Variants in TRIM46 observed in about 807,000 individuals in gnomAD.
The protein encoded by TRIM46 is tripartite motif-containing protein 46.
In TRIM46, 17 loss-of-function variants were observed where a neutral mutation model predicts 69.7. The observed-to-expected ratio is 0.24, with a 90% CI of 0.17 to 0.37. TRIM46 has a LOEUF of 0.37. Among genes scored for constraint, TRIM46 ranks in the 10% least tolerant of loss-of-function variants. TRIM46 has a pLI of 1.00. For missense variants in TRIM46, 675 were observed against 1,025.1 expected (o/e 0.66, Z 4.66); for synonymous variants, 391 against 429.0 (o/e 0.91, Z 1.09).
At position 155,178,546 on chromosome 1, in the gene TRIM46, C is replaced by A; in HGVS notation, c.1218C>A (p.Ser406=). 1 of 1,614,188 alleles carries A rather than the reference C, an allele frequency of 6.2e-7. No homozygotes were observed. Among genetic ancestry groups the A allele is most frequent in the South Asian group, 1.1e-5 (1 of 91,090 alleles). ...LQTFRPAASS[S]FRHCQLDVGR... ...CATTCCGGCCAGCTGCCAGCTCCTC[C>A]TTCCGCCATTGCCAGCTCGACGTGG... The change falls in exon 7 of 10, where the codon TCC becomes TCA. Residue 406 remains serine, a synonymous_variant. Transcript: ENST00000334634.
chr1:155,183,734 C>T, intron 9 of TRIM46, 63 bp from the exon 10 acceptor site: 1 of 1,580,960 alleles, frequency 6.3e-7, no homozygotes, highest in Non-Finnish European at 8.5e-7. Context: ...CAGCGTCTCC[C>T]TCTGGTACCT....
chr1:155,177,919 G>A, intron 5 of TRIM46, 83 bp from the exon 6 acceptor site: 13 of 1,543,932 alleles, frequency 8.4e-6, no homozygotes, highest in Non-Finnish European at 1.1e-5. Context: ...CCATGCTGTG[G>A]CATCCAAGGA....
chr1:155,176,851 G>A, intron 3 of TRIM46, 81 bp from the exon 4 acceptor site: 2 of 1,543,316 alleles, frequency 1.3e-6, no homozygotes, highest in Non-Finnish European at 1.8e-6. Context: ...AGTGGAGGAG[G>A]GCACCAAACT....
In TRIM46 at chr1:155,176,948, A is replaced by C; in HGVS notation, c.686A>C (p.Asp229Ala). Residue 229 changes from aspartate (D) to alanine (A), a missense_variant, in exon 4 of 10, where the codon GAC (aspartate) becomes GCC (alanine). Transcript: ENST00000334634. ...SFRPKGLMCP[D>A]HKEEVTHYCK... is the part of the protein sequence containing the mutation. ...TGTCCCTAGGGCCTTATGTGCCCAG[A>C]CCACAAGGAAGAGGTGACCCACTAC... is the stretch of plus-strand genomic sequence containing the variant. 1 of 1,614,166 alleles carries C rather than the reference A, an allele frequency of 6.2e-7. No homozygotes were observed. Among genetic ancestry groups the C allele is most frequent in the Non-Finnish European group, 8.5e-7 (1 of 1,179,990 alleles).
intron 1 of TRIM46, 147 bp downstream of exon 1, chr1:155,174,176 C>A: frequency 1.0e-6 from 1 of 962,106 alleles, no homozygotes; most frequent in Non-Finnish European, 1.6e-6. Context: ...GGTCGGGATG[C>A]AGGTATGAGA....
Position 155,181,812 on chromosome 1 carries a change from TGAA to T in TRIM46, c.1589-38_1589-36del. The T allele has an allele frequency of 6.3e-7, 1 of 1,578,084 alleles. No individual in the cohort carries two copies. Among genetic ancestry groups the T allele is most frequent in the Non-Finnish European group, 8.6e-7 (1 of 1,157,890 alleles). On this transcript the variant is annotated intron_variant, in intron 8 of 9. Coordinates refer to ENST00000334634, the MANE Select transcript of TRIM46 (RefSeq NM_025058.5). The surrounding 1 kb of genome is among the most constrained non-coding windows in gnomAD (Gnocchi z 4.3). The stretch of plus-strand genomic sequence containing the variant: ...AGCCCCCAGTGCCAGTGTTTGTCCC[TGAA>T]GTTCTTGCTCCATCTCAACCCTCTC...
rs773792925 is a variant in TRIM46, at chr1:155,183,991, G to T, written c.2081G>T (p.Cys694Phe). The T allele has an allele frequency of 6.2e-7, 1 of 1,614,104 alleles. No individual in the cohort carries two copies. Among genetic ancestry groups the T allele is most frequent in the Non-Finnish European group, 8.5e-7 (1 of 1,180,038 alleles). Residue 694 changes from cysteine (C) to phenylalanine (F), a missense_variant, in exon 10 of 10, where the codon TGC (cysteine) becomes TTC (phenylalanine). Cys to Phe is a radical substitution (Grantham distance 205). Coordinates refer to ENST00000334634, the MANE Select transcript of TRIM46 (RefSeq NM_025058.5). ...TVPLPPRLGICLDYERGRVSF... is the reference protein window; with the variant it reads ...TVPLPPRLGIFLDYERGRVSF... Reference sequence around the variant, plus strand: ...CCCCTGCCACCCCGCCTGGGCATCTGCCTGGACTATGAGCGGGGCCGGGTT... The same window carrying T: ...CCCCTGCCACCCCGCCTGGGCATCTTCCTGGACTATGAGCGGGGCCGGGTT...
intron 3 of TRIM46, 137 bp from the exon 4 acceptor site, chr1:155,176,795 G>A: frequency 9.2e-7 from 1 of 1,084,608 alleles, no homozygotes; most frequent in South Asian, 1.4e-5. Flanking sequence ...ACCACCAGGT[G>A]GCACTGTGGA....
intron 1 of TRIM46, 104 bp downstream of exon 1, chr1:155,174,133 CAG>C: frequency 7.6e-7 from 1 of 1,324,186 alleles, no homozygotes; most frequent in East Asian, 2.5e-5. Context: ...GGGATGTAGA[CAG>C]GGGGCTAGCG....
chr1:155,178,657 C>A (rs777691029), intron 7 of TRIM46, 44 bp downstream of exon 7: 2 of 1,605,492 alleles, frequency 1.2e-6, no homozygotes, highest in South Asian at 2.2e-5. Context: ...AGCCTTCTTC[C>A]CTTCCTCCCC....
Position 155,175,633 on chromosome 1 carries a change from G to C in TRIM46, c.311G>C (p.Arg104Pro). 1 of 1,613,704 alleles carries C rather than the reference G, an allele frequency of 6.2e-7. No individual in the cohort carries two copies. The highest frequency in any genetic ancestry group is 8.5e-7 in the Non-Finnish European group (1 of 1,179,956). The change falls in exon 2 of 10, where the codon CGG becomes CCG. Residue 104 changes from arginine (R) to proline (P), a missense_variant. Coordinates refer to ENST00000334634, the MANE Select transcript of TRIM46 (RefSeq NM_025058.5). The surrounding 1 kb of genome is among the most constrained non-coding windows in gnomAD (Gnocchi z 4.2). ...RTLPKPDRLD[R>P]LLKSGFGTYP... Reference sequence around the variant, plus strand: ...CTCCCCAAGCCAGACCGCCTGGACCGGCTGCTTAAGTCAGGTGGGACTGGG... The same window carrying C: ...CTCCCCAAGCCAGACCGCCTGGACCCGCTGCTTAAGTCAGGTGGGACTGGG...
intron 5 of TRIM46, 93 bp downstream of exon 5, chr1:155,177,383 T>C: frequency 8.8e-7 from 1 of 1,140,128 alleles, no homozygotes; most frequent in Non-Finnish European, 1.3e-6. Flanking sequence ...ACCTTGTTGC[T>C]AGCTCAGGAA....
At chr1:155,179,480 G>A in intron 7 of TRIM46, 152 bp from the exon 8 acceptor site, 1 of 677,538 alleles carries the variant, frequency 1.5e-6, no homozygotes, top group South Asian at 1.9e-5. Flanking sequence ...TACCCCTCCT[G>A]TGCCCAGTTC....
chr1:155,178,593 CAG>C lies in TRIM46; in HGVS notation c.1268_1269del (p.Glu423AlafsTer2). 1 of 1,613,864 alleles carries C rather than the reference CAG, an allele frequency of 6.2e-7. No homozygotes were observed. ...GTGGGACGTGAGATGAAGCTGCTGA[CAG>C]AGCTTAACTTCCTGCGAGGTAAGGA... is the stretch of plus-strand genomic sequence containing the variant. On this transcript the variant is annotated frameshift_variant, in exon 7 of 10. Coordinates refer to ENST00000334634, the MANE Select transcript of TRIM46 (RefSeq NM_025058.5). LOFTEE classifies it high-confidence loss of function.
chr1:155,174,654 G>C, intron 1 of TRIM46: 3 of 1,515,674 alleles, frequency 2.0e-6, no homozygotes, highest in South Asian at 2.5e-5. Flanking sequence ...GAGGTGTGGG[G>C]GTGGGGCATA....
Position 155,181,859 on chromosome 1 carries a change from C to G in TRIM46, c.1596C>G (p.His532Gln). 6.2e-7 allele frequency: 1 copy of G among 1,610,538 alleles called. No homozygotes were observed. Among genetic ancestry groups the G allele is most frequent in the Non-Finnish European group, 8.5e-7 (1 of 1,177,412 alleles). Residue 532 changes from histidine to glutamine, a missense_variant, in exon 9 of 10, where the codon CAC (histidine) becomes CAG (glutamine). Transcript: ENST00000334634. The surrounding 1 kb of genome is among the most constrained non-coding windows in gnomAD (Gnocchi z 4.3). ...CCCTCTCCCTCCTTCCAGTCCTGCACTTCTTCCTCGATAGCCGCTGGGGCG... is the reference window on the plus strand; with the variant it reads ...CCCTCTCCCTCCTTCCAGTCCTGCAGTTCTTCCTCGATAGCCGCTGGGGCG... ...HLHTPPAPVLHFFLDSRWGAS... is the reference protein window; with the variant it reads ...HLHTPPAPVLQFFLDSRWGAS...
intron 7 of TRIM46, 126 bp downstream of exon 7, chr1:155,178,739 T>TGGGGCCCCCCCCCCCCCCCCCCCC: frequency 1.5e-6 from 2 of 1,348,470 alleles, no homozygotes; most frequent in Non-Finnish European, 2.0e-6. Flanking sequence ...CAGCCATTCC[T>TGGGGCCCCCCCCCCCCCCCCCCCC]CCCACCCAGC....
rs1665576060 is a variant in TRIM46 at position 155,175,572 on chromosome 1, C to T, written c.250C>T (p.Pro84Ser). Residue 84 changes from proline (P) to serine (S), a missense_variant, in exon 2 of 10, where the codon CCT (proline) becomes TCT (serine). Coordinates refer to ENST00000334634, the MANE Select transcript of TRIM46 (RefSeq NM_025058.5). This position sits in a 1 kb window ranked among gnomAD's most constrained non-coding sequence, Gnocchi z 4.2. ...CGAGCCCACCTCTCCTGCCTCCACCCCTTCCACCCGCAGCCCCCGCCTCTC... is the reference window on the plus strand; with the variant it reads ...CGAGCCCACCTCTCCTGCCTCCACCTCTTCCACCCGCAGCCCCCGCCTCTC... ...SSEPTSPAST[P>S]STRSPRLSRR... The T allele has an allele frequency of 1.2e-6, 2 of 1,613,556 alleles. No homozygotes were observed. Among genetic ancestry groups the T allele is most frequent in the African/African-American group, 1.3e-5 (1 of 74,936 alleles).
Position 155,175,876 on chromosome 1 carries a change from G to C in TRIM46, c.326-12G>C, listed in dbSNP as rs556432336. Reference sequence around the variant, plus strand: ...AACTCTCATGTCCTCTACCTCCCTGGTTCACCCACAGGCTTTGGGACATAC... The same window carrying C: ...AACTCTCATGTCCTCTACCTCCCTGCTTCACCCACAGGCTTTGGGACATAC... On this transcript the variant is annotated splice_polypyrimidine_tract_variant and intron_variant, in intron 2 of 9. Transcript: ENST00000334634. This position sits in a 1 kb window ranked among gnomAD's most constrained non-coding sequence, Gnocchi z 4.2. The C allele has an allele frequency of 4.4e-6, 7 of 1,583,128 alleles. No individual in the cohort carries two copies. The African/African-American group carries it at 6.8e-5, about 15-fold the overall frequency.
Sources: allele counts gnomAD v4.1 joint callset, GRCh38; gene constraint gnomAD v4.1.1; non-coding constraint Gnocchi (gnomAD v3.1); transcripts MANE v1.5; gene names NCBI Gene and HGNC (gene_info 2026-07-23, HGNC 2026-07-21).